Variants in PLPPR1 observed in about 807,000 individuals in gnomAD.
The protein encoded by PLPPR1 is phospholipid phosphatase related 1, also known as phospholipid phosphatase-related protein type 1.
PLPPR1 carries 10 observed loss-of-function variants against 33.1 expected under a neutral mutation model. The ratio of observed to expected loss-of-function variants is 0.30; its 90% confidence interval spans 0.19 to 0.51. The LOEUF is 0.51. Among genes scored for constraint, PLPPR1 ranks in the 20% least tolerant of loss-of-function variants. PLPPR1 has a pLI of 0.97. For missense variants in PLPPR1, 304 were observed against 408.1 expected, an observed-to-expected ratio of 0.74 and a Z score of 2.20; for synonymous variants, 151 against 151.0, an observed-to-expected ratio of 1.00 and a Z score of 0.00.
chr9:101,273,675 A>G (rs1261425279), intron 3 of PLPPR1, among the ~76,000 whole-genome samples: 1 of 152,242 alleles, frequency 6.6e-6, no homozygotes, highest in Admixed American at 6.5e-5. Flanking sequence ...AAAGGAATAG[A>G]AAGAAAGTAA....
At chr9:101,075,994 C>T (rs1300136061) in intron 1 of PLPPR1, among the ~76,000 whole-genome samples, 1 of 152,104 alleles carries the variant, frequency 6.6e-6, no homozygotes, top group Non-Finnish European at 1.5e-5. Flanking sequence ...AGGCCAGTGA[C>T]ACAGAAGGGG....
At chr9:101,208,637 C>T (rs183341305) in intron 2 of PLPPR1, among the ~76,000 whole-genome samples, 8 of 152,224 alleles carry the variant, frequency 5.3e-5, no homozygotes, top group Admixed American at 5.2e-4. Context: ...ATATAATATC[C>T]TTGGGGTAGA....
intron 1 of PLPPR1, among the ~76,000 whole-genome samples, chr9:101,114,568 G>A (rs72741426): frequency 6.6e-6 from 1 of 152,136 alleles, no homozygotes; most frequent in African/African-American, 2.4e-5. Context: ...TCCTGCCATT[G>A]CTCCCCACTG....
At chr9:101,244,640 A>G (rs1827550206) in intron 2 of PLPPR1, among the ~76,000 whole-genome samples, 1 of 151,990 alleles carries the variant, frequency 6.6e-6, no homozygotes, top group African/African-American at 2.4e-5. Flanking sequence ...TTATTTGCAC[A>G]TATAAGTCTC....
At chr9:101,302,004 TTAA>T in intron 4 of PLPPR1, among the ~76,000 whole-genome samples, 1 of 152,338 alleles carries the variant, frequency 6.6e-6, no homozygotes, top group East Asian at 1.9e-4. Context: ...CATATGTATG[TTAA>T]TAATAAATAA....
intron 1 of PLPPR1, among the ~76,000 whole-genome samples, chr9:101,139,896 G>T (rs1315078098): frequency 6.6e-6 from 1 of 152,176 alleles, no homozygotes; most frequent in Non-Finnish European, 1.5e-5. Flanking sequence ...TAAGGACTGA[G>T]GGCCTGGAAT....
chr9:101,196,299 G>T (rs1188619597), intron 2 of PLPPR1, among the ~76,000 whole-genome samples: 2 of 152,186 alleles, frequency 1.3e-5, no homozygotes, highest in Non-Finnish European at 2.9e-5. Flanking sequence ...TTAAGAGGAT[G>T]AAATATAAAA....
chr9:101,079,030 G>A (rs1830583781), intron 1 of PLPPR1, among the ~76,000 whole-genome samples: 2 of 152,106 alleles, frequency 1.3e-5, no homozygotes, highest in South Asian at 4.1e-4. Context: ...ATGTGTGGAT[G>A]GTATTGAGTT....
rs190320528 is a variant in PLPPR1, at chr9:101,060,622, A to C, written c.-46+31520A>C. Among the ~76,000 whole-genome samples the C allele has an allele frequency of 2.7e-3, 403 of 152,016 alleles. 1 individual carries two copies. The highest frequency in any genetic ancestry group is 4.3e-3 in the Non-Finnish European group (293 of 67,854). On this transcript the variant is annotated intron_variant, in intron 1 of 7. Transcript: ENST00000374874. ...CAATTAAAATAGAGGCTGAGTATTA[A>C]AAATATATACAATAATTTAGATAAT...
intron 2 of PLPPR1, among the ~76,000 whole-genome samples, chr9:101,203,822 T>G (rs12336728): frequency 0.12 from 18,982 of 151,966 alleles, 1,424 homozygotes; most frequent in East Asian, 0.28. Flanking sequence ...GCATTCAGAA[T>G]GTGATTTGCA....
intron 1 of PLPPR1, among the ~76,000 whole-genome samples, chr9:101,098,501 C>T (rs965307241): frequency 2.0e-5 from 3 of 151,964 alleles, no homozygotes; most frequent in Admixed American, 6.6e-5. Flanking sequence ...TCAGTGATAA[C>T]TAAACTCATG....
intron 2 of PLPPR1, among the ~76,000 whole-genome samples, chr9:101,217,841 C>T (rs1176235785): frequency 6.6e-6 from 1 of 151,974 alleles, no homozygotes; most frequent in Non-Finnish European, 1.5e-5. Context: ...TGAAATAATA[C>T]AAACTTAAAA....
At chr9:101,265,068 G>GA (rs1467862221) in intron 2 of PLPPR1, among the ~76,000 whole-genome samples, 1 of 152,150 alleles carries the variant, frequency 6.6e-6, no homozygotes, top group East Asian at 1.9e-4. Flanking sequence ...CAGCCTGTTG[G>GA]AAAAGGTTCT....
chr9:101,240,274 TA>T (rs1361328330), intron 2 of PLPPR1, among the ~76,000 whole-genome samples: 1 of 152,104 alleles, frequency 6.6e-6, no homozygotes, highest in African/African-American at 2.4e-5. Context: ...TTTATACCAA[TA>T]CCATGCTGTT....
chr9:101,200,583 T>TACCTAATTTAATTAGTTTTA (rs1464155102), intron 2 of PLPPR1, among the ~76,000 whole-genome samples: 41 of 152,342 alleles, frequency 2.7e-4, no homozygotes, highest in African/African-American at 9.9e-4. Flanking sequence ...CCAGGGTACT[T>TACCTAATTTAATTAGTTTTA]ATTACCTAAT....
At chr9:101,293,302 G>A (rs992875660) in intron 4 of PLPPR1, among the ~76,000 whole-genome samples, 5 of 151,600 alleles carry the variant, frequency 3.3e-5, no homozygotes, top group Non-Finnish European at 5.9e-5. Context: ...GATTCATAAA[G>A]CAAGTCCTGA....
intron 4 of PLPPR1, among the ~76,000 whole-genome samples, chr9:101,298,565 G>T (rs1389748250): frequency 2.0e-5 from 3 of 152,176 alleles, no homozygotes; most frequent in Non-Finnish European, 2.9e-5. Flanking sequence ...ATCAGAAAAA[G>T]ACTTTATTTG....
At chr9:101,047,130 A>C (rs1048625315) in intron 1 of PLPPR1, among the ~76,000 whole-genome samples, 5 of 152,176 alleles carry the variant, frequency 3.3e-5, no homozygotes, top group African/African-American at 1.2e-4. Context: ...CCTAGATAAT[A>C]CATCTTTTCT....
rs118009576 is a variant in PLPPR1, at chr9:101,219,754, A to G, written c.63+34197A>G. ...ATCCTCTTGTTGCTATCCTGCGATC[A>G]GTTCTAATTGGGTAATCAAGCTCAC... On this transcript the variant is annotated intron_variant, in intron 2 of 7. Coordinates refer to ENST00000374874, the MANE Select transcript of PLPPR1 (RefSeq NM_207299.2). 3.5e-4 allele frequency among the ~76,000 whole-genome samples: 53 copies of G among 152,298 alleles called. 2 individuals carry two copies. In the East Asian group the frequency reaches 9.5e-3, roughly 27 times the overall value.
Sources: allele counts gnomAD v4.1 joint callset (sites outside exome capture counted in the v4.1 genomes callset), GRCh38; gene constraint gnomAD v4.1.1; transcripts MANE v1.5; gene names NCBI Gene and HGNC (gene_info 2026-07-23, HGNC 2026-07-21).